The following TMEM132D variants were observed in gnomAD, a reference collection of about 807,000 sequenced individuals.
TMEM132D encodes the protein mature OL transmembrane protein.
TMEM132D carries 21 observed loss-of-function variants against 62.3 expected under a neutral mutation model. The observed-to-expected ratio is 0.34, with a 90% CI of 0.24 to 0.49. The LOEUF is 0.49. Among genes scored for constraint, TMEM132D ranks in the 20% least tolerant of loss-of-function variants. The pLI is 0.99. For synonymous variants in TMEM132D, 621 were observed against 575.6 expected (o/e 1.08, Z -1.13); for missense variants, 1,346 against 1,402.8 (o/e 0.96, Z 0.65).
intron 3 of TMEM132D, among the ~76,000 whole-genome samples, chr12:129,424,219 C>T (rs1872412670): frequency 6.7e-6 from 1 of 149,162 alleles, no homozygotes; most frequent in Admixed American, 6.7e-5. Context: ...AAAAAAAAAT[C>T]TATGACAAAT....
chr12:129,096,833 T>C (rs7980488), intron 5 of TMEM132D, among the ~76,000 whole-genome samples: 2,343 of 152,346 alleles, frequency 0.015, 62 homozygotes, highest in African/African-American at 0.053. Flanking sequence ...CAGGAAGCTC[T>C]GTTATTTTTA....
At chr12:129,243,493 C>T (rs1011375623) in intron 4 of TMEM132D, among the ~76,000 whole-genome samples, 4 of 152,032 alleles carry the variant, frequency 2.6e-5, no homozygotes, top group Non-Finnish European at 4.4e-5. Flanking sequence ...GTGCAGAGTC[C>T]GGCTTAACCT....
At chr12:129,184,808 T>G (rs1225475775) in intron 5 of TMEM132D, among the ~76,000 whole-genome samples, 1 of 151,812 alleles carries the variant, frequency 6.6e-6, no homozygotes, top group African/African-American at 2.4e-5. Flanking sequence ...CTTTGGCTGT[T>G]TCATCAGAAA....
chr12:129,143,147 C>A (rs187298531), intron 5 of TMEM132D, among the ~76,000 whole-genome samples: 3 of 152,240 alleles, frequency 2.0e-5, no homozygotes, highest in Admixed American at 2.0e-4. Flanking sequence ...TCCTTCCCAC[C>A]AGTGGCAAGT....
At chr12:129,785,362 A>T (rs1361297613) in intron 1 of TMEM132D, among the ~76,000 whole-genome samples, 1 of 152,180 alleles carries the variant, frequency 6.6e-6, no homozygotes, top group Non-Finnish European at 1.5e-5. Flanking sequence ...TTGCATTTGT[A>T]TAGCTTTAGG....
At chr12:129,433,062 T>C (rs1872704113) in intron 3 of TMEM132D, among the ~76,000 whole-genome samples, 1 of 152,236 alleles carries the variant, frequency 6.6e-6, no homozygotes, top group Non-Finnish European at 1.5e-5. Context: ...GTACTCAACA[T>C]GATGTCTCTG....
chr12:129,437,963 C>G (rs1457019073), intron 3 of TMEM132D, among the ~76,000 whole-genome samples: 1 of 147,596 alleles, frequency 6.8e-6, no homozygotes, highest in Non-Finnish European at 1.5e-5. Context: ...CTGTCCAACT[C>G]CCACTTACGA....
intron 4 of TMEM132D, among the ~76,000 whole-genome samples, chr12:129,217,675 A>G (rs1045526662): frequency 6.6e-6 from 1 of 151,976 alleles, no homozygotes; most frequent in African/African-American, 2.4e-5. Flanking sequence ...AGAAATGGAC[A>G]TAAAAGCTAA....
At chr12:129,803,311 T>C (rs1026666602) in intron 1 of TMEM132D, among the ~76,000 whole-genome samples, 1 of 149,942 alleles carries the variant, frequency 6.7e-6, no homozygotes, top group Non-Finnish European at 1.5e-5. Context: ...TCAGCAAATG[T>C]AAAAGAACAG....
intron 2 of TMEM132D, among the ~76,000 whole-genome samples, chr12:129,632,960 C>G (rs1379580605): frequency 6.6e-6 from 1 of 152,214 alleles, no homozygotes; most frequent in East Asian, 1.9e-4. Flanking sequence ...AAGTAGACAA[C>G]AAGTTCATTC....
Position 129,663,200 on chromosome 12 carries a change from C to T in TMEM132D, c.968+36610G>A, listed in dbSNP as rs372498695. Among the ~76,000 whole-genome samples the T allele has an allele frequency of 3.9e-5, 6 of 152,196 alleles. No individual in the cohort carries two copies. The East Asian group carries it at 5.8e-4, about 15-fold the overall frequency. ...TTACCCAGGCTAGAGTGCAATGGCA[C>T]GATCTTGGCTCTCCGCAGCCTCCAC... On this transcript the variant is annotated intron_variant, in intron 2 of 8. Coordinates refer to ENST00000422113, the MANE Select transcript of TMEM132D (RefSeq NM_133448.3).
At chr12:129,357,614 AAG>A (rs1870114986) in intron 3 of TMEM132D, among the ~76,000 whole-genome samples, 1 of 152,118 alleles carries the variant, frequency 6.6e-6, no homozygotes, top group African/African-American at 2.4e-5. Flanking sequence ...AAAAGAAAGA[AAG>A]AAGTGAAGTG....
chr12:129,094,974 T>C (rs777063349), intron 5 of TMEM132D, among the ~76,000 whole-genome samples: 2 of 133,992 alleles, frequency 1.5e-5, no homozygotes, highest in African/African-American at 2.9e-5. Context: ...TAGGTGGGAA[T>C]TGAACAATGA....
intron 5 of TMEM132D, among the ~76,000 whole-genome samples, chr12:129,133,506 T>C (rs1876440935): frequency 6.6e-6 from 1 of 152,234 alleles, no homozygotes; most frequent in Admixed American, 6.5e-5. Flanking sequence ...CTCCCTTCCC[T>C]TTATCCTGCT....
intron 4 of TMEM132D, among the ~76,000 whole-genome samples, chr12:129,265,255 C>T (rs1166368992): frequency 6.6e-6 from 1 of 152,130 alleles, no homozygotes; most frequent in Non-Finnish European, 1.5e-5. Context: ...TTACTCCCAT[C>T]AGAACCATGT....
intron 3 of TMEM132D, among the ~76,000 whole-genome samples, chr12:129,457,917 G>C (rs1028066340): frequency 2.0e-4 from 30 of 152,172 alleles, no homozygotes; most frequent in African/African-American, 7.0e-4. Flanking sequence ...TGGGGACACG[G>C]ATCCAAACCA....
chr12:129,276,717 T>C (rs1376159894), intron 4 of TMEM132D, among the ~76,000 whole-genome samples: 2 of 152,226 alleles, frequency 1.3e-5, no homozygotes, highest in East Asian at 3.8e-4. Context: ...TAAGTGTTTA[T>C]TATTTAAAAA....
intron 3 of TMEM132D, among the ~76,000 whole-genome samples, chr12:129,511,698 C>G (rs1240325417): frequency 6.6e-6 from 1 of 152,138 alleles, no homozygotes; most frequent in African/African-American, 2.4e-5. Flanking sequence ...GTCTTCTATT[C>G]TGGGTATGAG....
intron 2 of TMEM132D, among the ~76,000 whole-genome samples, chr12:129,598,474 A>G (rs1878401211): frequency 1.3e-5 from 2 of 152,204 alleles, no homozygotes; most frequent in African/African-American, 4.8e-5. Flanking sequence ...CTACTGCAAA[A>G]TTAGAAATAG....
Sources: gnomAD v4.1 joint callset for allele counts (sites outside exome capture counted in the v4.1 genomes callset) on GRCh38, gnomAD v4.1.1 for gene constraint, MANE v1.5 for transcripts, NCBI Gene and HGNC (gene_info 2026-07-23, HGNC 2026-07-21) for gene names.